The following PSPH variants were observed in gnomAD, a reference collection of about 807,000 sequenced individuals.
PSPH encodes L-3-phosphoserine phosphatase.
In PSPH, 16 loss-of-function variants were observed where a neutral mutation model predicts 23.4. That is an observed-to-expected ratio of 0.68 (90% CI 0.46 to 1.04). PSPH has a LOEUF of 1.04. PSPH is among the 50% of genes least tolerant of loss of function. The pLI, the probability that PSPH is intolerant of heterozygous loss-of-function variation, is 0.00. For missense variants in PSPH, 223 were observed against 273.7 expected (o/e 0.81, Z 1.31); for synonymous variants, 68 against 99.7 (o/e 0.68, Z 1.89).
At chr7:56,040,252 T>A (rs1792334623) in intron 1 of PSPH, among the ~76,000 whole-genome samples, 1 of 152,142 alleles carries the variant, frequency 6.6e-6, no homozygotes, top group Non-Finnish European at 1.5e-5. Flanking sequence ...ATAAAGGAAG[T>A]TGAAGAACGT....
Position 56,011,612 on chromosome 7 carries a change from T to A in PSPH, c.*150A>T. The A allele has an allele frequency of 1.7e-6, 1 of 602,952 alleles. No individual in the cohort carries two copies. The highest frequency in any genetic ancestry group is 2.9e-6 in the Non-Finnish European group (1 of 341,914). The allele number at this position is 602,952 out of a possible 1,614,324, so 37.4% of individuals were successfully genotyped here. A position where few individuals can be genotyped will look rare whatever the true frequency, so the allele number is the denominator to read the frequency against. On this transcript the variant is annotated 3_prime_UTR_variant, in exon 8 of 8. Transcript: ENST00000275605. The stretch of plus-strand genomic sequence containing the variant: ...GTTAAAAAAAAAAAAAAAGCAATCT[T>A]CTAGGATTCCTAACTGTAGTTTAAA...
chr7:56,019,811 G>C (rs76724548), intron 4 of PSPH, 77 bp from the exon 5 acceptor site: 1 of 1,285,260 alleles, frequency 7.8e-7, no homozygotes, highest in African/African-American at 1.7e-5. Flanking sequence ...CCCCGGGTCT[G>C]CACGACATCC....
chr7:56,036,337 G>C (rs1328222097), intron 1 of PSPH, among the ~76,000 whole-genome samples: 1 of 152,110 alleles, frequency 6.6e-6, no homozygotes, highest in Non-Finnish European at 1.5e-5. Context: ...GAGGTGAAAA[G>C]AAACTCAAGT....
intron 7 of PSPH, among the ~76,000 whole-genome samples, chr7:56,013,432 T>C (rs917568698): frequency 2.0e-5 from 3 of 152,106 alleles, no homozygotes; most frequent in Admixed American, 1.3e-4. Flanking sequence ...GATGGGAAGA[T>C]CGCTTGGTCT....
chr7:56,011,638 G>T lies in PSPH; in HGVS notation c.*124C>A. Reference sequence around the variant, plus strand: ...CTAGGATTCCTAACTGTAGTTTAAAGTACAGATCATTTGTACCAACTTTCT... The same window carrying T: ...CTAGGATTCCTAACTGTAGTTTAAATTACAGATCATTTGTACCAACTTTCT... On this transcript the variant is annotated 3_prime_UTR_variant, in exon 8 of 8. Coordinates refer to ENST00000275605, the MANE Select transcript of PSPH (RefSeq NM_004577.4). 1 of 670,380 alleles carries T rather than the reference G, an allele frequency of 1.5e-6. No individual in the cohort carries two copies. Among genetic ancestry groups the T allele is most frequent in the Non-Finnish European group, 2.6e-6 (1 of 380,726 alleles). The allele number at this position is 670,380 out of a possible 1,614,324, so 41.5% of individuals were successfully genotyped here. A position where few individuals can be genotyped will look rare whatever the true frequency, so the allele number is the denominator to read the frequency against.
At chr7:56,029,999 A>G in intron 3 of PSPH, among the ~76,000 whole-genome samples, 1 of 151,776 alleles carries the variant, frequency 6.6e-6, no homozygotes, top group East Asian at 1.9e-4. Flanking sequence ...AAAGAAAAAA[A>G]AAAAAAAGAA....
intron 1 of PSPH, among the ~76,000 whole-genome samples, chr7:56,045,108 A>G (rs1247841726): frequency 6.6e-6 from 1 of 150,988 alleles, no homozygotes. Flanking sequence ...TCTTGAATCC[A>G]TACTGATACA....
chr7:56,026,381 C>T (rs1405843808), intron 3 of PSPH, among the ~76,000 whole-genome samples: 2 of 146,352 alleles, frequency 1.4e-5, no homozygotes, highest in Middle Eastern at 3.5e-3. Flanking sequence ...GACGGAGAGG[C>T]GGGAGAACCG....
At chr7:56,014,303 C>T (rs931299371) in intron 7 of PSPH, among the ~76,000 whole-genome samples, 5 of 152,110 alleles carry the variant, frequency 3.3e-5, no homozygotes, top group African/African-American at 1.2e-4. Context: ...CACACCTAGG[C>T]TAAAAGGTGG....
intron 3 of PSPH, 80 bp downstream of exon 3, chr7:56,031,849 G>T (rs1791042349): frequency 6.5e-6 from 1 of 153,366 alleles, no homozygotes; most frequent in East Asian, 1.9e-4. Context: ...AGACAAACGT[G>T]TAACAGTTCA....
At chr7:56,024,700 A>G (rs1789941637) in intron 3 of PSPH, among the ~76,000 whole-genome samples, 3 of 152,042 alleles carry the variant, frequency 2.0e-5, no homozygotes, top group Non-Finnish European at 2.9e-5. Flanking sequence ...GTGAGCTATG[A>G]CCATGACACT....
chr7:56,021,299 A>T (rs1240294293), intron 3 of PSPH, 68 bp from the exon 4 acceptor site: 1 of 1,457,314 alleles, frequency 6.9e-7, no homozygotes, highest in East Asian at 2.4e-5. Flanking sequence ...CACCTTGCCT[A>T]CTAAGCCAAT....
chr7:56,040,527 C>T (rs183312366), intron 1 of PSPH, among the ~76,000 whole-genome samples: 240 of 151,982 alleles, frequency 1.6e-3, no homozygotes, highest in African/African-American at 5.6e-3. Context: ...TATTTTTAAT[C>T]TTATAATGGA....
intron 7 of PSPH, among the ~76,000 whole-genome samples, chr7:56,013,127 A>T (rs1329185153): frequency 7.1e-6 from 1 of 141,730 alleles, no homozygotes; most frequent in Non-Finnish European, 1.6e-5. Context: ...ATATACACAC[A>T]CATATATATA....
intron 3 of PSPH, among the ~76,000 whole-genome samples, chr7:56,030,917 C>T (rs1481021447): frequency 6.7e-6 from 1 of 148,754 alleles, no homozygotes; most frequent in East Asian, 2.0e-4. Flanking sequence ...ACAACAACAA[C>T]AAAAAACTGA....
rs1791394325 is a variant in PSPH, at chr7:56,034,098, T to G, written c.-283A>C. 2 of 152,394 alleles carry G rather than the reference T, an allele frequency of 1.3e-5. No individual in the cohort carries two copies. The highest frequency in any genetic ancestry group is 6.5e-5 in the Admixed American group (1 of 15,290). The allele number at this position is 152,394 out of a possible 1,614,324, so 9.4% of individuals were successfully genotyped here. On this transcript the variant is annotated 5_prime_UTR_variant, in exon 2 of 8. Coordinates refer to ENST00000275605, the MANE Select transcript of PSPH (RefSeq NM_004577.4). ...CCAGGGCCTCCACCGAACGCTCTCT[T>G]GAGATCTGCTGATAAGCGGGGTGGC...
chr7:56,045,315 A>G (rs1382687543), intron 1 of PSPH, among the ~76,000 whole-genome samples: 1 of 152,052 alleles, frequency 6.6e-6, no homozygotes, highest in Non-Finnish European at 1.5e-5. Flanking sequence ...GACCAGCCTG[A>G]GCAACATAGC....
At chr7:56,042,585 A>G (rs931653243) in intron 1 of PSPH, among the ~76,000 whole-genome samples, 5 of 149,582 alleles carry the variant, frequency 3.3e-5, no homozygotes, top group African/African-American at 1.2e-4. Flanking sequence ...CAGGAGGTTG[A>G]GGCTGCAGTG....
rs144281276 is a variant in PSPH at position 56,019,729 on chromosome 7, C to T, written c.146G>A (p.Arg49Gln). 2.4e-4 allele frequency: 386 copies of T among 1,613,220 alleles called. No individual in the cohort carries two copies. In the African/African-American group the frequency reaches 4.6e-3, roughly 19 times the overall value. ...AGGCACTGCCCCGCCCATGGCTCGCCGTGTCCTAGGAGGGAGACCCAACAG... is the reference window on the plus strand; with the variant it reads ...AGGCACTGCCCCGCCCATGGCTCGCTGTGTCCTAGGAGGGAGACCCAACAG... ...GVEDAVSEMT[R>Q]RAMGGAVPFK... The change falls in exon 5 of 8, where the codon CGG becomes CAG. Residue 49 changes from arginine (R) to glutamine (Q), a missense_variant. Arg to Gln is a conservative substitution (Grantham distance 43, BLOSUM62 1). Coordinates refer to ENST00000275605, the MANE Select transcript of PSPH (RefSeq NM_004577.4).
Sources: gnomAD v4.1 joint callset for allele counts (sites outside exome capture counted in the v4.1 genomes callset) on GRCh38, gnomAD v4.1.1 for gene constraint, MANE v1.5 for transcripts, NCBI Gene and HGNC (gene_info 2026-07-23, HGNC 2026-07-21) for gene names.